Variants in DYM observed in about 807,000 individuals in gnomAD.
DYM encodes dymeclin.
A neutral mutation model predicts 93.1 loss-of-function variants in DYM; 78 were observed. The observed-to-expected ratio is 0.84, with a 90% confidence interval of 0.70 to 1.01. The LOEUF is 1.01. DYM is among the 50% of genes least tolerant of loss of function. The probability of loss-of-function intolerance (pLI) is 0.00; values close to 1 mark genes in which losing one functional copy is unlikely to be tolerated. For missense variants in DYM, 789 were observed against 845.0 expected (o/e 0.93, Z 0.82); for synonymous variants, 321 against 319.7 (o/e 1.00, Z -0.04).
intron 15 of DYM, among the ~76,000 whole-genome samples, chr18:49,155,960 G>A (rs1033468246): frequency 3.3e-5 from 5 of 152,190 alleles, no homozygotes; most frequent in Non-Finnish European, 7.4e-5. Context: ...ACAACTCTGT[G>A]TTTAATTACT....
At chr18:49,108,100 C>G (rs1221604959) in intron 16 of DYM, among the ~76,000 whole-genome samples, 3 of 152,212 alleles carry the variant, frequency 2.0e-5, no homozygotes, top group Non-Finnish European at 2.9e-5. Flanking sequence ...CAAGCCTTGG[C>G]AATGGCGGAT....
rs777378208 is a variant in DYM at position 49,118,784 on chromosome 18, G to A, written c.1871C>T (p.Thr624Ile). 6.2e-7 allele frequency: 1 copy of A among 1,614,100 alleles called. No homozygotes were observed. Among genetic ancestry groups the A allele is most frequent in the African/African-American group, 1.3e-5 (1 of 75,062 alleles). Residue 624 changes from threonine to isoleucine, a missense_variant, in exon 16 of 18, where the codon ACT (threonine) becomes ATT (isoleucine). Coordinates refer to ENST00000675505, the MANE Select transcript of DYM (RefSeq NM_001353214.3). Reference sequence around the variant, plus strand: ...CATTATATCCTGAAATGAAGGATGAGTTCGAAATTGTTCAAAGAGATCGCG... The same window carrying A: ...CATTATATCCTGAAATGAAGGATGAATTCGAAATTGTTCAAAGAGATCGCG... ...YKRDLFEQFR[T>I]HPSFQDIMQN...
At chr18:49,222,834 T>C (rs1340787696) in intron 13 of DYM, among the ~76,000 whole-genome samples, 3 of 152,200 alleles carry the variant, frequency 2.0e-5, no homozygotes, top group African/African-American at 4.8e-5. Flanking sequence ...AATATGCACA[T>C]AATATGGTAA....
intron 13 of DYM, among the ~76,000 whole-genome samples, chr18:49,220,045 C>T (rs1433402867): frequency 6.6e-6 from 1 of 152,086 alleles, no homozygotes; most frequent in Non-Finnish European, 1.5e-5. Flanking sequence ...TGATAAGCAA[C>T]TTCAGCAAAG....
chr18:49,100,765 A>C (rs2080053996), intron 16 of DYM, among the ~76,000 whole-genome samples: 1 of 152,230 alleles, frequency 6.6e-6, no homozygotes, highest in Admixed American at 6.5e-5. Flanking sequence ...GAGGCTGATA[A>C]AAATCTCTGT....
At chr18:49,407,063 A>T (rs996259737) in intron 2 of DYM, among the ~76,000 whole-genome samples, 2 of 152,234 alleles carry the variant, frequency 1.3e-5, no homozygotes, top group African/African-American at 4.8e-5. Context: ...GGATTTCAAG[A>T]CACTATGCTG....
intron 2 of DYM, among the ~76,000 whole-genome samples, chr18:49,418,292 T>G (rs1481811533): frequency 6.6e-6 from 1 of 152,118 alleles, no homozygotes; most frequent in Non-Finnish European, 1.5e-5. Context: ...TGTTTTTCAT[T>G]TTTGTTGCTA....
chr18:49,081,995 T>C (rs2078089836), intron 17 of DYM, among the ~76,000 whole-genome samples: 1 of 152,244 alleles, frequency 6.6e-6, no homozygotes, highest in Admixed American at 6.5e-5. Flanking sequence ...GAGCTGGTCT[T>C]AGTTCAGAGT....
At chr18:49,216,206 C>T (rs2093034997) in intron 13 of DYM, among the ~76,000 whole-genome samples, 1 of 152,190 alleles carries the variant, frequency 6.6e-6, no homozygotes, top group Admixed American at 6.5e-5. Flanking sequence ...GGGAGGGGCG[C>T]CCGCCATTGC....
intron 9 of DYM, 77 bp downstream of exon 9, chr18:49,286,357 C>G (rs2059662604): frequency 6.5e-7 from 1 of 1,536,800 alleles, no homozygotes; most frequent in Middle Eastern, 1.7e-4. Flanking sequence ...ATCTCCAAAA[C>G]TATAAGACAA....
At chr18:49,155,036 G>A (rs751120019) in intron 15 of DYM, among the ~76,000 whole-genome samples, 15 of 152,028 alleles carry the variant, frequency 9.9e-5, no homozygotes, top group South Asian at 2.1e-4. Context: ...TTAAAAAATA[G>A]CTGTAGAATA....
chr18:49,110,445 T>C (rs1367196637), intron 16 of DYM, among the ~76,000 whole-genome samples: 1 of 152,184 alleles, frequency 6.6e-6, no homozygotes, highest in Non-Finnish European at 1.5e-5. Context: ...GAAATGTCAT[T>C]ATTTTGTATT....
At chr18:49,200,029 A>T (rs1171604716) in intron 14 of DYM, among the ~76,000 whole-genome samples, 1 of 152,172 alleles carries the variant, frequency 6.6e-6, no homozygotes, top group African/African-American at 2.4e-5. Context: ...TGAAAGTTCT[A>T]AAATAAACCA....
At chr18:49,309,926 C>G (rs1306466868) in intron 8 of DYM, among the ~76,000 whole-genome samples, 1 of 152,164 alleles carries the variant, frequency 6.6e-6, no homozygotes, top group Non-Finnish European at 1.5e-5. Context: ...GGCATGGACC[C>G]AGAATTCTTA....
intron 15 of DYM, among the ~76,000 whole-genome samples, chr18:49,158,901 G>C (rs1305107646): frequency 2.6e-5 from 4 of 152,090 alleles, no homozygotes; most frequent in Admixed American, 2.0e-4. Flanking sequence ...AACTAAAAGA[G>C]CATAATTGGA....
chr18:49,339,497 A>T (rs1055426588), intron 6 of DYM, among the ~76,000 whole-genome samples: 7 of 152,094 alleles, frequency 4.6e-5, no homozygotes. Flanking sequence ...GCTGTAGGCT[A>T]ACATACTGAG....
rs1201370040 is a variant in DYM at position 49,399,934 on chromosome 18, C to CTTTTTTTT, written c.141-8297_141-8290dup. 1.1e-3 allele frequency among the ~76,000 whole-genome samples: 75 copies of CTTTTTTTT among 66,132 alleles called. 1 individual carries two copies. The highest frequency in any genetic ancestry group is 1.6e-3 in the Non-Finnish European group (60 of 36,428). The allele number at this position is 66,132 out of a possible 152,430, so 43.4% of individuals were successfully genotyped here. On this transcript the variant is annotated intron_variant, in intron 2 of 17. Coordinates refer to ENST00000675505, the MANE Select transcript of DYM (RefSeq NM_001353214.3). The stretch of plus-strand genomic sequence containing the variant: ...TTAAAAGACATTTATTTTTATTTTT[C>CTTTTTTTT]TTTTTTTTTTTTTTTTTTTTTTTTT...
At chr18:49,124,023 A>C (rs1403083445) in intron 15 of DYM, among the ~76,000 whole-genome samples, 3 of 152,246 alleles carry the variant, frequency 2.0e-5, no homozygotes, top group African/African-American at 7.2e-5. Flanking sequence ...TATACTTCAA[A>C]AATTATCTGC....
At chr18:49,420,950 A>T (rs760737740) in intron 2 of DYM, among the ~76,000 whole-genome samples, 48 of 152,300 alleles carry the variant, frequency 3.2e-4, no homozygotes, top group Non-Finnish European at 6.6e-4. Flanking sequence ...ACAAGGTGGC[A>T]GCGAGGCTGG....
Sources: allele counts gnomAD v4.1 joint callset (sites outside exome capture counted in the v4.1 genomes callset), GRCh38; gene constraint gnomAD v4.1.1; transcripts MANE v1.5; gene names NCBI Gene and HGNC (gene_info 2026-07-23, HGNC 2026-07-21).